The following PLAGL1 variants were observed in gnomAD, a reference collection of about 807,000 sequenced individuals.
The protein encoded by PLAGL1 is zinc finger protein PLAGL1.
In PLAGL1, 1 loss-of-function variant was observed where a neutral mutation model predicts 4.6. That is an observed-to-expected ratio of 0.22 (90% CI 0.08 to 1.03). The LOEUF (loss-of-function observed/expected upper bound fraction) is 1.03, where lower values mean the gene tolerates loss of function less well. PLAGL1 is among the 50% of genes least tolerant of loss of function. The probability of loss-of-function intolerance (pLI) is 0.58; values close to 1 mark genes in which losing one functional copy is unlikely to be tolerated. For missense variants in PLAGL1, 464 were observed against 570.4 expected (o/e 0.81, Z 1.90); for synonymous variants, 240 against 237.8 (o/e 1.01, Z -0.08).
At position 143,949,270 on chromosome 6, in the gene PLAGL1, C is replaced by A. The variant is rs895066317; in HGVS notation, c.-324-810G>T. On this transcript the variant is annotated intron_variant, in intron 6 of 7. Transcript: ENST00000674357. This position sits in a 1 kb window ranked among gnomAD's most constrained non-coding sequence, Gnocchi z 5.3. Reference sequence around the variant, plus strand: ...TCCTCAAACCCAACTTGTCTCAAACCCAAATCATTATCATCCTTCTGACTC... The same window carrying A: ...TCCTCAAACCCAACTTGTCTCAAACACAAATCATTATCATCCTTCTGACTC... Among the ~76,000 whole-genome samples the A allele has an allele frequency of 6.6e-6, 1 of 152,170 alleles. No individual in the cohort carries two copies. Among genetic ancestry groups the A allele is most frequent in the African/African-American group, 2.4e-5 (1 of 41,440 alleles).
At chr6:144,025,494 G>C (rs894665346) in intron 1 of PLAGL1, among the ~76,000 whole-genome samples, 1 of 152,196 alleles carries the variant, frequency 6.6e-6, no homozygotes, top group African/African-American at 2.4e-5. Flanking sequence ...AGATGTTAAT[G>C]CTCGGGGAAA....
intron 1 of PLAGL1, among the ~76,000 whole-genome samples, chr6:144,017,324 G>A (rs868138206): frequency 2.0e-5 from 3 of 151,914 alleles, no homozygotes; most frequent in African/African-American, 4.8e-5. Context: ...GAGGATTCCT[G>A]CCCCCTTCCC....
rs374383981 is a variant in PLAGL1, at chr6:143,954,957, G to C, written c.-325+5512C>G. 7.2e-5 allele frequency among the ~76,000 whole-genome samples: 11 copies of C among 152,238 alleles called. No individual in the cohort carries two copies. The East Asian group carries it at 1.5e-3, about 21-fold the overall frequency. On this transcript the variant is annotated intron_variant, in intron 6 of 7. Transcript: ENST00000674357. The surrounding 1 kb of genome is among the most constrained non-coding windows in gnomAD (Gnocchi z 5.1). ...ACCATCATATTAGCCAGAAAATAAA[G>C]ACAGGTAACTAGTGCCCAGCCAAAG...
At position 143,984,631 on chromosome 6, in the gene PLAGL1, A is replaced by G. The variant is rs551687997; in HGVS notation, c.-544+504T>C. ...TGTCAGAGAATGCAAATCCTTGTTA[A>G]GTTACTTTGTAACAATATTCTCCTC... is the stretch of plus-strand genomic sequence containing the variant. On this transcript the variant is annotated intron_variant, in intron 2 of 7. Transcript: ENST00000674357. This position sits in a 1 kb window ranked among gnomAD's most constrained non-coding sequence, Gnocchi z 5.5. Among the ~76,000 whole-genome samples, 1 of 152,308 alleles carries G rather than the reference A, an allele frequency of 6.6e-6. No homozygotes were observed. The highest frequency in any genetic ancestry group is 2.4e-5 in the African/African-American group (1 of 41,574).
In PLAGL1 at chr6:144,059,854, G is replaced by A. The variant is rs1352296824; in HGVS notation, c.-151+4614C>T. On this transcript the variant is annotated intron_variant, in intron 1 of 3. Transcript: ENST00000437412. The surrounding 1 kb of genome is among the most constrained non-coding windows in gnomAD (Gnocchi z 4.9). Reference sequence around the variant, plus strand: ...AGATCAGCCTTGAGGTCCATTTTGGGAGATAACCTCAAGGTTATTAGTACC... The same window carrying A: ...AGATCAGCCTTGAGGTCCATTTTGGAAGATAACCTCAAGGTTATTAGTACC... Among the ~76,000 whole-genome samples, 3 of 152,146 alleles carry A rather than the reference G, an allele frequency of 2.0e-5. No individual in the cohort carries two copies. Among genetic ancestry groups the A allele is most frequent in the African/African-American group, 4.8e-5 (2 of 41,434 alleles).
In PLAGL1 at chr6:143,973,426, G is replaced by A. The variant is rs1379939159; in HGVS notation, c.-543-4448C>T. 6.6e-6 allele frequency among the ~76,000 whole-genome samples: 1 copy of A among 152,150 alleles called. No individual in the cohort carries two copies. The highest frequency in any genetic ancestry group is 1.5e-5 in the Non-Finnish European group (1 of 68,034). ...CATGACAAACCAGCACAATCACCCA[G>A]CATAATATACTGCTCGCTAGTTCAT... On this transcript the variant is annotated intron_variant, in intron 2 of 7. Transcript: ENST00000674357. This position sits in a 1 kb window ranked among gnomAD's most constrained non-coding sequence, Gnocchi z 6.2.
intron 1 of PLAGL1, among the ~76,000 whole-genome samples, chr6:143,992,970 A>G (rs2128635039): frequency 6.7e-6 from 1 of 149,454 alleles, no homozygotes; most frequent in Non-Finnish European, 1.5e-5. Flanking sequence ...AGAGTGAGTG[A>G]GACTCCATCT....
Position 143,997,499 on chromosome 6 carries a change from G to A in PLAGL1, c.-584+10591C>T, listed in dbSNP as rs921946547. 1.3e-5 allele frequency among the ~76,000 whole-genome samples: 2 copies of A among 152,122 alleles called. No homozygotes were observed. The highest frequency in any genetic ancestry group is 2.9e-5 in the Non-Finnish European group (2 of 68,010). ...ACACAGATGACTCTAAAAAATTTAC[G>A]CTGAATAAAAGCCAGACACAAAAGA... On this transcript the variant is annotated intron_variant, in intron 1 of 7. Transcript: ENST00000674357. The surrounding 1 kb of genome is among the most constrained non-coding windows in gnomAD (Gnocchi z 4.6).
Position 144,016,031 on chromosome 6 carries a change from C to T in PLAGL1, c.-150-47053G>A, listed in dbSNP as rs1234703222. Among the ~76,000 whole-genome samples the T allele has an allele frequency of 1.3e-5, 2 of 152,166 alleles. No individual in the cohort carries two copies. Among genetic ancestry groups the T allele is most frequent in the Non-Finnish European group, 2.9e-5 (2 of 68,032 alleles). ...CAGATGAATCAAAACAACAACAACA[C>T]TGTGCGGAGTCAAAGAAATCATATT... On this transcript the variant is annotated intron_variant, in intron 1 of 3. Transcript: ENST00000437412. The surrounding 1 kb of genome is among the most constrained non-coding windows in gnomAD (Gnocchi z 4.2).
rs1397884874 is a variant in PLAGL1, at chr6:144,039,026, G to A, written c.-151+25442C>T. 1.3e-5 allele frequency among the ~76,000 whole-genome samples: 2 copies of A among 152,074 alleles called. No individual in the cohort carries two copies. Among genetic ancestry groups the A allele is most frequent in the Non-Finnish European group, 1.5e-5 (1 of 68,012 alleles). ...AGACACATCATAAAAATTGCTGAGA[G>A]CCAGTAATATAGAAAATAAATATCA... On this transcript the variant is annotated intron_variant, in intron 1 of 3. Coordinates refer to the PLAGL1 transcript ENST00000437412. This position sits in a 1 kb window ranked among gnomAD's most constrained non-coding sequence, Gnocchi z 4.1.
chr6:144,024,822 T>G, intron 1 of PLAGL1, among the ~76,000 whole-genome samples: 1 of 152,330 alleles, frequency 6.6e-6, no homozygotes, highest in African/African-American at 2.4e-5. Flanking sequence ...AGTATTGAAT[T>G]ATAGCCCAAA....
intron 1 of PLAGL1, among the ~76,000 whole-genome samples, chr6:144,062,486 A>C (rs1010847913): frequency 1.5e-4 from 22 of 151,242 alleles, no homozygotes; most frequent in Admixed American, 7.2e-4. Context: ...AAAAAAAAAA[A>C]AAAAAAAAAC....
chr6:143,974,725 G>A (rs149248739), intron 2 of PLAGL1, among the ~76,000 whole-genome samples: 21 of 152,240 alleles, frequency 1.4e-4, no homozygotes, highest in African/African-American at 5.1e-4. Flanking sequence ...TGAATTCCTT[G>A]ACGCAGTACT....
At chr6:144,047,424 G>A (rs1798247641) in intron 1 of PLAGL1, among the ~76,000 whole-genome samples, 1 of 152,094 alleles carries the variant, frequency 6.6e-6, no homozygotes, top group African/African-American at 2.4e-5. Context: ...TTCTCACATT[G>A]CTATAAAAAT....
intron 1 of PLAGL1, among the ~76,000 whole-genome samples, chr6:144,041,752 A>C (rs1583845199): frequency 6.6e-6 from 1 of 152,308 alleles, no homozygotes; most frequent in East Asian, 1.9e-4. Flanking sequence ...ATCCTTGAGG[A>C]ATTGCCACAC....
upstream of PLAGL1, among the ~76,000 whole-genome samples, chr6:144,012,662 A>T (rs1795272185): frequency 6.6e-6 from 1 of 152,116 alleles, no homozygotes; most frequent in Non-Finnish European, 1.5e-5. This position sits in a 1 kb window ranked among gnomAD's most constrained non-coding sequence, Gnocchi z 4.8. Flanking sequence ...TCTTTAGGTT[A>T]TTTCCACAGT....
chr6:144,018,024 C>A (rs2128695305), intron 1 of PLAGL1, among the ~76,000 whole-genome samples: 1 of 152,314 alleles, frequency 6.6e-6, no homozygotes, highest in South Asian at 2.1e-4. Flanking sequence ...CCAAACCAAA[C>A]TCCAAAGCTC....
rs866508428 is a variant in PLAGL1 at position 143,957,320 on chromosome 6, G to C, written c.-325+3149C>G. Among the ~76,000 whole-genome samples, 18 of 152,268 alleles carry C rather than the reference G, an allele frequency of 1.2e-4. No individual in the cohort carries two copies. Among genetic ancestry groups the C allele is most frequent in the Middle Eastern group, 6.8e-3 (2 of 294 alleles). ...CTGGTGGGGGGGTGAGGGGTGGAGA[G>C]CAACTCCCAAAATCCAGACAAGAGC... On this transcript the variant is annotated intron_variant, in intron 6 of 7. Transcript: ENST00000674357. This position sits in a 1 kb window ranked among gnomAD's most constrained non-coding sequence, Gnocchi z 4.2.
At position 143,940,591 on chromosome 6, in the gene PLAGL1, CTTGT is replaced by C. The variant is rs1180558415; in HGVS notation, c.*829_*832del. ...TAAGCTAGACAGAGCAAAGAAAATT[CTTGT>C]TTAATATATATATATTTTTAATTCC... is the stretch of plus-strand genomic sequence containing the variant. On this transcript the variant is annotated 3_prime_UTR_variant, in exon 8 of 8. Coordinates refer to ENST00000674357, the MANE Select transcript of PLAGL1 (RefSeq NM_001317162.2). 6 of 152,226 alleles carry C rather than the reference CTTGT, an allele frequency of 3.9e-5. No homozygotes were observed. Among genetic ancestry groups the C allele is most frequent in the Admixed American group, 2.6e-4 (4 of 15,254 alleles). 9.4% of individuals were successfully genotyped at this position (152,226 alleles called of 1,614,324 possible).
Sources: gnomAD v4.1 joint callset for allele counts (sites outside exome capture counted in the v4.1 genomes callset) on GRCh38, gnomAD v4.1.1 for gene constraint, Gnocchi (gnomAD v3.1) non-coding constraint, MANE v1.5 for transcripts, NCBI Gene and HGNC (gene_info 2026-07-23, HGNC 2026-07-21) for gene names.